The following CEP83 variants were observed in gnomAD, a reference collection of about 807,000 sequenced individuals.
CEP83 encodes the protein centrosomal protein 83.
Under a neutral mutation model 101.9 loss-of-function variants are expected in CEP83, and 70 were observed. That is an observed-to-expected ratio of 0.69 (90% CI 0.57 to 0.84). CEP83 has a LOEUF of 0.84. Ranked by LOEUF, CEP83 falls within the 40% of genes least tolerant of loss-of-function variation. The pLI is 0.00. For missense variants in CEP83, 715 were observed against 787.2 expected, an observed-to-expected ratio of 0.91 and a Z score of 1.10; for synonymous variants, 264 against 267.9, an observed-to-expected ratio of 0.99 and a Z score of 0.14.
chr12:94,306,497 CT>C (rs1969033021), downstream of CEP83: 1 of 152,106 alleles, frequency 6.6e-6, no homozygotes. Flanking sequence ...ATTTTTGCTG[CT>C]CATGACCAGT....
chr12:94,334,941 T>G (rs1252971104), intron 12 of CEP83, among the ~76,000 whole-genome samples: 1 of 152,152 alleles, frequency 6.6e-6, no homozygotes. Context: ...TCAAACGTTA[T>G]GTCCATCTAG....
At chr12:94,316,299 ATAAC>A (rs1970673039) in intron 14 of CEP83, among the ~76,000 whole-genome samples, 1 of 152,164 alleles carries the variant, frequency 6.6e-6, no homozygotes, top group Non-Finnish European at 1.5e-5. Flanking sequence ...GTAAAGAAAA[ATAAC>A]TAGTATTTGT....
chr12:94,356,667 G>C (rs2060491645), intron 11 of CEP83, among the ~76,000 whole-genome samples: 1 of 152,216 alleles, frequency 6.6e-6, no homozygotes, highest in Non-Finnish European at 1.5e-5. Context: ...CAAGCAATAA[G>C]TCAATATGGA....
rs188532132 is a variant in CEP83, at chr12:94,447,314, G to T, written c.-154-11987C>A. Reference sequence around the variant, plus strand: ...GGCTCACTTGAGCCCAGAAGTTCGAGACCAGCCTGGGCAACATGGCAAAAC... The same window carrying T: ...GGCTCACTTGAGCCCAGAAGTTCGATACCAGCCTGGGCAACATGGCAAAAC... On this transcript the variant is annotated intron_variant, in intron 1 of 16. Transcript: ENST00000397809. Among the ~76,000 whole-genome samples, 187 of 152,264 alleles carry T rather than the reference G, an allele frequency of 1.2e-3. 1 individual carries two copies. Among genetic ancestry groups the T allele is most frequent in the African/African-American group, 4.2e-3 (173 of 41,542 alleles).
the CEP83 span, among the ~76,000 whole-genome samples, chr12:94,267,831 C>T: frequency 3.9e-5 from 6 of 152,138 alleles, no homozygotes; most frequent in African/African-American, 1.4e-4. Flanking sequence ...TTCTTTCTTC[C>T]TCCCTTCCCT....
At chr12:94,417,103 C>A (rs996016747) in intron 2 of CEP83, among the ~76,000 whole-genome samples, 4 of 152,044 alleles carry the variant, frequency 2.6e-5, no homozygotes, top group Admixed American at 1.3e-4. Flanking sequence ...TGGTTGAGAC[C>A]AGGAGTTCGA....
At chr12:94,333,286 A>G (rs1229522561) in intron 13 of CEP83, among the ~76,000 whole-genome samples, 196 bp downstream of exon 13, 1 of 152,112 alleles carries the variant, frequency 6.6e-6, no homozygotes, top group Non-Finnish European at 1.5e-5. Context: ...ATTTTTTTAA[A>G]AACAATTCAA....
At chr12:94,449,649 T>C (rs1356614617) in intron 1 of CEP83, among the ~76,000 whole-genome samples, 1 of 150,278 alleles carries the variant, frequency 6.7e-6, no homozygotes, top group Non-Finnish European at 1.5e-5. Flanking sequence ...GGCATGAGCC[T>C]GTAGCCCCAG....
chr12:94,331,333 A>T (rs1338835040), intron 14 of CEP83, among the ~76,000 whole-genome samples: 6 of 96,014 alleles, frequency 6.2e-5, no homozygotes, highest in South Asian at 3.3e-4. Context: ...ATTATATTTT[A>T]CTCCATAGAA....
chr12:94,424,643 G>A, intron 2 of CEP83: 1 of 1,613,652 alleles, frequency 6.2e-7, no homozygotes, highest in Non-Finnish European at 8.5e-7. Flanking sequence ...TTTCTGTGCT[G>A]CTGAAGGGCT....
At chr12:94,283,770 G>A in the CEP83 span, among the ~76,000 whole-genome samples, 1 of 152,274 alleles carries the variant, frequency 6.6e-6, no homozygotes, top group East Asian at 1.9e-4. Flanking sequence ...TAATCTGGGT[G>A]GTACCAGCTG....
At chr12:94,424,180 T>A in intron 2 of CEP83, 1 of 1,605,844 alleles carries the variant, frequency 6.2e-7, no homozygotes, top group Non-Finnish European at 8.5e-7. Flanking sequence ...TATAAGGGGC[T>A]GGGTAAAACC....
downstream of CEP83, chr12:94,305,798 C>T (rs1968943572): frequency 6.5e-6 from 1 of 152,874 alleles, no homozygotes; most frequent in Non-Finnish European, 1.5e-5. Flanking sequence ...AAGCTGACCG[C>T]AGAATTTGGT....
At chr12:94,375,560 T>C (rs1593513963) in intron 8 of CEP83, among the ~76,000 whole-genome samples, 2 of 152,276 alleles carry the variant, frequency 1.3e-5, no homozygotes, top group South Asian at 2.1e-4. Context: ...AGAAAAATCA[T>C]GGCTTGGACT....
Position 94,335,702 on chromosome 12 carries a change from T to A in CEP83, c.1344-38A>T, listed in dbSNP as rs145978950. On this transcript the variant is annotated intron_variant, in intron 11 of 16. Transcript: ENST00000397809. ...ACCCAACAAAAGGCATTATTAAGAA[T>A]CCATGATTCATTTATTTCACTGAAT... The A allele has an allele frequency of 8.3e-4, 1,085 of 1,312,906 alleles. 5 individuals carry two copies. In the African/African-American group the frequency reaches 0.014, roughly 17 times the overall value. The allele number at this position is 1,312,906 out of a possible 1,614,324, so 81.3% of individuals were successfully genotyped here.
intron 14 of CEP83, among the ~76,000 whole-genome samples, chr12:94,331,317 G>GATTTA (rs1168047627): frequency 1.9e-5 from 1 of 53,986 alleles, no homozygotes; most frequent in African/African-American, 7.9e-5. Flanking sequence ...AAAAAAAAAA[G>GATTTA]ATTTAATTAT....
At chr12:94,439,569 A>G (rs779676350) in intron 1 of CEP83, among the ~76,000 whole-genome samples, 1 of 151,672 alleles carries the variant, frequency 6.6e-6, no homozygotes, top group South Asian at 2.1e-4. Context: ...AAAAAAAAAA[A>G]GTCCAGGACC....
chr12:94,309,533 T>G (rs994231312), intron 16 of CEP83, among the ~76,000 whole-genome samples: 5 of 152,156 alleles, frequency 3.3e-5, no homozygotes, highest in African/African-American at 1.2e-4. Flanking sequence ...CTCAAAGCAT[T>G]TTTCGTTAGT....
At chr12:94,282,582 T>C in the CEP83 span, among the ~76,000 whole-genome samples, 1 of 152,250 alleles carries the variant, frequency 6.6e-6, no homozygotes, top group Non-Finnish European at 1.5e-5. Context: ...GCTCTCACAG[T>C]GTACTTGTCA....
Sources: gnomAD v4.1 joint callset for allele counts (sites outside exome capture counted in the v4.1 genomes callset) on GRCh38, gnomAD v4.1.1 for gene constraint, MANE v1.5 for transcripts, NCBI Gene and HGNC (gene_info 2026-07-23, HGNC 2026-07-21) for gene names.